CIMAP3: variants seen among roughly 807,000 people sequenced by gnomAD.
CIMAP3 encodes ciliary microtubule-associated protein 3.
chr1:111,336,547 G>T, the CIMAP3 span, among the ~76,000 whole-genome samples: 1 of 152,206 alleles, frequency 6.6e-6, no homozygotes, highest in Non-Finnish European at 1.5e-5. Context: ...ACTACATGAA[G>T]AATGCAGAAG....
the CIMAP3 span, chr1:111,349,983 A>G: frequency 1.5e-6 from 1 of 679,826 alleles, no homozygotes; most frequent in Non-Finnish European, 2.6e-6. Flanking sequence ...TTAATTAAAA[A>G]GCTAATCAAT....
the CIMAP3 span, among the ~76,000 whole-genome samples, chr1:111,339,438 T>C: frequency 6.7e-6 from 1 of 150,170 alleles, no homozygotes; most frequent in African/African-American, 2.5e-5. Flanking sequence ...GACGACATGA[T>C]TGTATATCTA....
At chr1:111,351,421 T>C in the CIMAP3 span, 2 of 1,142,456 alleles carry the variant, frequency 1.8e-6, no homozygotes, top group African/African-American at 1.6e-5. Flanking sequence ...ACTGTGGCCC[T>C]CTTGTCTGGC....
the CIMAP3 span, among the ~76,000 whole-genome samples, chr1:111,329,666 T>C: frequency 1.3e-5 from 2 of 151,332 alleles, no homozygotes; most frequent in South Asian, 2.1e-4. Flanking sequence ...GTGATTCTCC[T>C]GCCTCAGCCT....
the CIMAP3 span, chr1:111,351,407 C>CT: frequency 8.0e-7 from 1 of 1,244,148 alleles, no homozygotes; most frequent in Non-Finnish European, 1.1e-6. Context: ...TCTTCTTCTA[C>CT]GTTACTGTGG....
the CIMAP3 span, chr1:111,352,535 G>C: frequency 2.0e-5 from 3 of 152,592 alleles, no homozygotes; most frequent in African/African-American, 7.2e-5. Context: ...AAGTCTTTAT[G>C]AGAAATCACA....
At chr1:111,351,166 G>GTTTTTTTGTTTTTTTTTTT in the CIMAP3 span, 1 of 574,738 alleles carries the variant, frequency 1.7e-6, no homozygotes. Flanking sequence ...ATAATGTACA[G>GTTTTTTTGTTTTTTTTTTT]TTTTTTTTTT....
At chr1:111,346,635 T>C in the CIMAP3 span, 1 of 1,614,178 alleles carries the variant, frequency 6.2e-7, no homozygotes, top group East Asian at 2.2e-5. Context: ...ACACAAGTGC[T>C]AGCCCTAGCA....
At chr1:111,341,492 G>A in the CIMAP3 span, among the ~76,000 whole-genome samples, 1,083 of 152,242 alleles carry the variant, frequency 7.1e-3, 13 homozygotes, top group African/African-American at 0.024. Context: ...GGGATCATAC[G>A]GGCCCACCAA....
chr1:111,347,851 G>C, the CIMAP3 span: 1 of 1,015,844 alleles, frequency 9.8e-7, no homozygotes, highest in Non-Finnish European at 1.5e-6. Flanking sequence ...GAGCAAGAGG[G>C]GGGTGATCTA....
chr1:111,336,325 C>T, the CIMAP3 span, among the ~76,000 whole-genome samples: 2 of 152,190 alleles, frequency 1.3e-5, no homozygotes, highest in Non-Finnish European at 2.9e-5. Context: ...CAGTTCCTCA[C>T]CAGCAATAGA....
At chr1:111,327,853 G>C in the CIMAP3 span, among the ~76,000 whole-genome samples, 2 of 151,388 alleles carry the variant, frequency 1.3e-5, no homozygotes, top group Non-Finnish European at 2.9e-5. Context: ...ATTTCCTTCA[G>C]TTAAGCTCTG....
chr1:111,329,554 T>C, the CIMAP3 span, among the ~76,000 whole-genome samples: 1 of 117,374 alleles, frequency 8.5e-6, no homozygotes, highest in African/African-American at 3.3e-5. Context: ...TATATATATA[T>C]ATATAATTTT....
At chr1:111,341,300 T>C in the CIMAP3 span, among the ~76,000 whole-genome samples, 2 of 151,952 alleles carry the variant, frequency 1.3e-5, no homozygotes, top group Admixed American at 6.6e-5. Context: ...ATGGCACATG[T>C]ATACATATGT....
the CIMAP3 span, chr1:111,348,742 C>A: frequency 2.5e-6 from 3 of 1,204,384 alleles, no homozygotes; most frequent in South Asian, 1.8e-5. Context: ...GGATGACATC[C>A]AAACCATCGC....
chr1:111,352,516 A>G, the CIMAP3 span: 1 of 152,682 alleles, frequency 6.5e-6, no homozygotes, highest in East Asian at 1.9e-4. Context: ...ATAATGGTGA[A>G]GGACAGAAAA....
At chr1:111,340,201 C>T in the CIMAP3 span, among the ~76,000 whole-genome samples, 31 of 151,830 alleles carry the variant, frequency 2.0e-4, 1 homozygote, top group African/African-American at 7.5e-4. Flanking sequence ...ATACAAAAAT[C>T]AATTCAAGAT....
the CIMAP3 span, among the ~76,000 whole-genome samples, chr1:111,330,606 G>A: frequency 9.2e-5 from 14 of 152,304 alleles, no homozygotes; most frequent in African/African-American, 3.1e-4. Context: ...AAATTGCAGA[G>A]TTCTTCTCCC....
the CIMAP3 span, among the ~76,000 whole-genome samples, chr1:111,340,263 A>C: frequency 6.6e-6 from 1 of 151,508 alleles, no homozygotes; most frequent in Non-Finnish European, 1.5e-5. Flanking sequence ...CTAGAAGAAA[A>C]CCTAGGCATT....
Sources: allele counts gnomAD v4.1 joint callset (sites outside exome capture counted in the v4.1 genomes callset), GRCh38; gene constraint gnomAD v4.1.1; transcripts MANE v1.5; gene names NCBI Gene and HGNC (gene_info 2026-07-23, HGNC 2026-07-21).